CSGALNACT1: variants seen among roughly 807,000 people sequenced by gnomAD.
The protein encoded by CSGALNACT1 is chondroitin sulfate N-acetylgalactosaminyltransferase 1, also known as beta4GalNAcT-1.
A neutral mutation model predicts 51.0 loss-of-function variants in CSGALNACT1; 52 were observed. That is an observed-to-expected ratio of 1.02 (90% CI 0.82 to 1.29). The LOEUF is 1.29. CSGALNACT1 is among the 50% of genes most tolerant of loss of function. The probability of loss-of-function intolerance (pLI) is 0.00; values close to 1 mark genes in which losing one functional copy is unlikely to be tolerated. For synonymous variants in CSGALNACT1, 341 were observed against 254.4 expected, an observed-to-expected ratio of 1.34 and a Z score of -3.24; for missense variants, 935 against 679.2, an observed-to-expected ratio of 1.38 and a Z score of -4.19.
At chr8:19,641,442 AT>A (rs1484668093) in intron 1 of CSGALNACT1, among the ~76,000 whole-genome samples, 2 of 152,072 alleles carry the variant, frequency 1.3e-5, no homozygotes, top group Non-Finnish European at 2.9e-5. Flanking sequence ...GAGAACTCTC[AT>A]TTTGGAGCTC....
intron 6 of CSGALNACT1, among the ~76,000 whole-genome samples, chr8:19,424,099 T>G (rs1237275029): frequency 6.6e-6 from 1 of 152,130 alleles, no homozygotes; most frequent in African/African-American, 2.4e-5. Flanking sequence ...GGCTTGGCAG[T>G]ATGGGTCCAT....
chr8:19,603,588 AAAT>A (rs1391733030), upstream of CSGALNACT1, among the ~76,000 whole-genome samples: 1 of 152,228 alleles, frequency 6.6e-6, no homozygotes, highest in African/African-American at 2.4e-5. Flanking sequence ...CCCCGACAAC[AAAT>A]AATGTTACTT....
intron 4 of CSGALNACT1, among the ~76,000 whole-genome samples, chr8:19,478,657 C>T (rs923694171): frequency 6.6e-6 from 1 of 152,114 alleles, no homozygotes; most frequent in African/African-American, 2.4e-5. Flanking sequence ...TAACATATTG[C>T]TCCTCTTCAA....
At chr8:19,508,163 C>T (rs1023391003) in intron 3 of CSGALNACT1, among the ~76,000 whole-genome samples, 3 of 152,206 alleles carry the variant, frequency 2.0e-5, no homozygotes, top group Non-Finnish European at 2.9e-5. Context: ...TCAATTCACA[C>T]GTTCAGGACC....
chr8:19,493,442 T>A (rs1324556766), intron 4 of CSGALNACT1, among the ~76,000 whole-genome samples: 1 of 147,690 alleles, frequency 6.8e-6, no homozygotes, highest in Non-Finnish European at 1.5e-5. Flanking sequence ...TAGAGACTAT[T>A]GCGTCTTCTC....
At chr8:19,471,255 G>A (rs13250181) in intron 4 of CSGALNACT1, among the ~76,000 whole-genome samples, 63,092 of 152,080 alleles carry the variant, frequency 0.41, 14,530 homozygotes, top group East Asian at 0.86. Context: ...ATGCCAAAGG[G>A]TAAGGAGAAC....
At position 19,523,899 on chromosome 8, in the gene CSGALNACT1, G is replaced by C. The variant is rs536965011; in HGVS notation, c.-296-17769C>G. ...AGAGGAGAGAAAGATCATCTGTTTGGAAGAATCACAGAAGCTTCTGCAGAG... is the reference window on the plus strand; with the variant it reads ...AGAGGAGAGAAAGATCATCTGTTTGCAAGAATCACAGAAGCTTCTGCAGAG... On this transcript the variant is annotated intron_variant, in intron 3 of 9. Transcript: ENST00000454498. Among the ~76,000 whole-genome samples, 29 of 152,318 alleles carry C rather than the reference G, an allele frequency of 1.9e-4. 1 individual carries two copies. In the South Asian group the frequency reaches 5.4e-3, roughly 28 times the overall value.
chr8:19,725,377 A>G (rs1284261040), intron 1 of CSGALNACT1, among the ~76,000 whole-genome samples: 4 of 151,912 alleles, frequency 2.6e-5, no homozygotes, highest in Admixed American at 2.0e-4. Context: ...ATGCATAAAA[A>G]TACCTGAATT....
intron 1 of CSGALNACT1, among the ~76,000 whole-genome samples, chr8:19,656,602 A>T (rs61505987): frequency 1.3e-5 from 1 of 78,998 alleles, no homozygotes; most frequent in East Asian, 2.6e-4. Flanking sequence ...CCCCCCCCCC[A>T]CACACACACA....
intron 3 of CSGALNACT1, among the ~76,000 whole-genome samples, chr8:19,574,366 T>C (rs796105086): frequency 4.6e-5 from 7 of 152,182 alleles, no homozygotes; most frequent in African/African-American, 1.4e-4. Flanking sequence ...CCACAGCCTC[T>C]TGGAATCTGC....
At chr8:19,525,363 G>A (rs902179718) in intron 3 of CSGALNACT1, among the ~76,000 whole-genome samples, 1 of 151,904 alleles carries the variant, frequency 6.6e-6, no homozygotes, top group Non-Finnish European at 1.5e-5. Context: ...CAGCACTTTG[G>A]GAGGCTGAGG....
chr8:19,461,334 G>C (rs1309132689), intron 4 of CSGALNACT1, among the ~76,000 whole-genome samples: 1 of 152,216 alleles, frequency 6.6e-6, no homozygotes, highest in Non-Finnish European at 1.5e-5. Context: ...TGCTGTCTGG[G>C]ATCACAAGGT....
At chr8:19,674,708 G>A (rs977034557) in intron 1 of CSGALNACT1, among the ~76,000 whole-genome samples, 1 of 152,192 alleles carries the variant, frequency 6.6e-6, no homozygotes, top group Admixed American at 6.5e-5. Flanking sequence ...ACCGTGAGGT[G>A]AAGAATAGAC....
upstream of CSGALNACT1, chr8:19,683,375 T>C (rs11990161): frequency 0.33 from 49,789 of 151,972 alleles, 8,522 homozygotes; most frequent in African/African-American, 0.42. Flanking sequence ...ACTCTAAAAA[T>C]GGGTTTCAGA....
At chr8:19,737,747 CATAG>C (rs1461512362) in intron 1 of CSGALNACT1, among the ~76,000 whole-genome samples, 1 of 152,148 alleles carries the variant, frequency 6.6e-6, no homozygotes, top group Non-Finnish European at 1.5e-5. Flanking sequence ...GAGATCATCA[CATAG>C]ATAGTTCTAA....
intron 1 of CSGALNACT1, among the ~76,000 whole-genome samples, chr8:19,680,371 C>A (rs530306527): frequency 6.6e-6 from 1 of 152,082 alleles, no homozygotes; most frequent in Admixed American, 6.6e-5. Context: ...GCCTGGCCAA[C>A]GTGGCAAAAC....
At chr8:19,628,048 A>G (rs577350891) in intron 1 of CSGALNACT1, among the ~76,000 whole-genome samples, 1 of 152,298 alleles carries the variant, frequency 6.6e-6, no homozygotes, top group South Asian at 2.1e-4. Context: ...TAAGATAAAA[A>G]GGAGCTAGTA....
At chr8:19,609,042 C>T (rs558296978) in intron 1 of CSGALNACT1, among the ~76,000 whole-genome samples, 1 of 151,980 alleles carries the variant, frequency 6.6e-6, no homozygotes, top group African/African-American at 2.4e-5. Context: ...GAATTGAGAA[C>T]ATACTGTCCA....
chr8:19,620,005 C>G (rs1044191570), intron 1 of CSGALNACT1, among the ~76,000 whole-genome samples: 1 of 152,018 alleles, frequency 6.6e-6, no homozygotes, highest in East Asian at 1.9e-4. Context: ...AGAGATTAAC[C>G]AGGAAACTTC....
Sources: allele counts gnomAD v4.1 joint callset (sites outside exome capture counted in the v4.1 genomes callset), GRCh38; gene constraint gnomAD v4.1.1; transcripts MANE v1.5; gene names NCBI Gene and HGNC (gene_info 2026-07-23, HGNC 2026-07-21).